The following EML4 variants were observed in gnomAD, a reference collection of about 807,000 sequenced individuals.
EML4 encodes echinoderm microtubule-associated protein-like 4.
A neutral mutation model predicts 129.0 loss-of-function variants in EML4; 72 were observed. That is an observed-to-expected ratio of 0.56 (90% CI 0.46 to 0.68). The LOEUF is 0.68. Among genes scored for constraint, EML4 ranks in the 30% least tolerant of loss-of-function variants. The pLI is 0.00. For missense variants in EML4, 1,363 were observed against 1,190.6 expected (o/e 1.14, Z -2.13); for synonymous variants, 532 against 405.0 (o/e 1.31, Z -3.77).
chr2:42,281,064 C>G lies in EML4; in HGVS notation c.791+91C>G, dbSNP rs79386328. 1.8e-3 allele frequency: 1,470 copies of G among 817,798 alleles called. 10 individuals carry two copies. In the African/African-American group the frequency reaches 0.025, roughly 14 times the overall value. The allele number at this position is 817,798 out of a possible 1,614,324, so 50.7% of individuals were successfully genotyped here. ...ATTCTCTGTCAAAATTGTCTTTATA[C>G]AAAAAAAAAAAGTAACAGCTACTTA... On this transcript the variant is annotated intron_variant, in intron 7 of 22. Transcript: ENST00000318522.
intron 1 of EML4, among the ~76,000 whole-genome samples, chr2:42,237,742 A>T (rs1299074926): frequency 6.6e-6 from 1 of 152,224 alleles, no homozygotes; most frequent in Non-Finnish European, 1.5e-5. Flanking sequence ...AGAAAATGTT[A>T]TTAAGAAAGT....
At chr2:42,201,817 C>G (rs753186968) in intron 1 of EML4, among the ~76,000 whole-genome samples, 1 of 151,732 alleles carries the variant, frequency 6.6e-6, no homozygotes, top group African/African-American at 2.4e-5. Context: ...CATGGTGGCT[C>G]AGGCCTGTAA....
Position 42,264,678 on chromosome 2 carries a change from A to G in EML4, c.642-28A>G, listed in dbSNP as rs377518538. 2.3e-6 allele frequency: 3 copies of G among 1,283,800 alleles called. No individual in the cohort carries two copies. In the African/African-American group the frequency reaches 4.5e-5, roughly 19 times the overall value. 79.5% of individuals were successfully genotyped at this position (1,283,800 alleles called of 1,614,324 possible). On this transcript the variant is annotated intron_variant, in intron 5 of 22. Transcript: ENST00000318522. ...GGTTAGCCATATAAACTTATAAAAT[A>G]AATGTGTTTCTTAAATTTCTTTTCT...
chr2:42,238,640 T>C (rs1320527036), intron 1 of EML4, among the ~76,000 whole-genome samples: 1 of 152,020 alleles, frequency 6.6e-6, no homozygotes, highest in East Asian at 1.9e-4. Flanking sequence ...TTTTTGGCAA[T>C]AGGGTCTTAC....
intron 6 of EML4, 124 bp downstream of exon 6, chr2:42,264,855 C>G (rs1665961928): frequency 6.7e-7 from 1 of 1,490,976 alleles, no homozygotes; most frequent in African/African-American, 1.4e-5. Context: ...AAGTGCGTTA[C>G]TGTAGTCATT....
intron 6 of EML4, among the ~76,000 whole-genome samples, chr2:42,265,991 G>A (rs1277221620): frequency 2.0e-5 from 3 of 152,152 alleles, no homozygotes; most frequent in South Asian, 4.1e-4. Context: ...ATGAAAGCAC[G>A]TCCTTTCTGT....
chr2:42,263,649 T>C (rs1277535602), intron 5 of EML4, among the ~76,000 whole-genome samples: 1 of 151,988 alleles, frequency 6.6e-6, no homozygotes, highest in Non-Finnish European at 1.5e-5. Flanking sequence ...ATGATCTGCC[T>C]GCCTCCGCCT....
intron 1 of EML4, among the ~76,000 whole-genome samples, chr2:42,190,052 G>A (rs964173336): frequency 6.6e-6 from 1 of 151,482 alleles, no homozygotes; most frequent in Non-Finnish European, 1.5e-5. Context: ...CTTATAATTT[G>A]ATTTTAAATT....
intron 1 of EML4, among the ~76,000 whole-genome samples, chr2:42,192,952 C>G (rs1671687106): frequency 6.6e-6 from 1 of 152,112 alleles, no homozygotes. Flanking sequence ...GCTTTGCAGA[C>G]TCTGAGGTAG....
chr2:42,298,040 T>C (rs956233127), intron 13 of EML4, among the ~76,000 whole-genome samples: 1 of 152,230 alleles, frequency 6.6e-6, no homozygotes, highest in African/African-American at 2.4e-5. Context: ...ATTGTTCTTA[T>C]GCAAAATAAT....
intron 13 of EML4, among the ~76,000 whole-genome samples, chr2:42,296,159 A>G (rs150083170): frequency 6.6e-6 from 1 of 152,314 alleles, no homozygotes; most frequent in African/African-American, 2.4e-5. Context: ...AGAATAATCA[A>G]ACTTTGAAAA....
At chr2:42,299,581 C>CT (rs1424912976) in intron 13 of EML4, among the ~76,000 whole-genome samples, 1 of 152,132 alleles carries the variant, frequency 6.6e-6, no homozygotes, top group Non-Finnish European at 1.5e-5. Context: ...CACCAATTTC[C>CT]TTTAGGTCTC....
At position 42,308,331 on chromosome 2, in the gene EML4, C is replaced by T. The variant is rs537938423; in HGVS notation, c.1967+3780C>T. On this transcript the variant is annotated intron_variant, in intron 17 of 22. Transcript: ENST00000318522. The stretch of plus-strand genomic sequence containing the variant: ...AACCAGCCTGGGCAACATGGCAAAA[C>T]CCTGTCTTTACAAGAAAAATTTTAA... Among the ~76,000 whole-genome samples the T allele has an allele frequency of 5.3e-5, 8 of 152,084 alleles. No homozygotes were observed. The South Asian group carries it at 1.7e-3, about 32-fold the overall frequency.
intron 6 of EML4, among the ~76,000 whole-genome samples, chr2:42,275,992 G>T (rs2104442389): frequency 6.6e-6 from 1 of 152,096 alleles, no homozygotes; most frequent in East Asian, 1.9e-4. Flanking sequence ...AAGTAGCATT[G>T]GGATAATACA....
intron 2 of EML4, among the ~76,000 whole-genome samples, chr2:42,251,499 G>A (rs1358565029): frequency 6.6e-6 from 1 of 152,136 alleles, no homozygotes; most frequent in Non-Finnish European, 1.5e-5. Flanking sequence ...AAGGCCTAAG[G>A]GTACATCTTC....
rs372747755 is a variant in EML4 at position 42,301,294 on chromosome 2, C to T, written c.1543C>T (p.Leu515Phe). ...IKAHDGSVFTLCQMRNGMLLT... is the reference protein window; with the variant it reads ...IKAHDGSVFTFCQMRNGMLLT... ...AGCTCATGATGGCAGTGTGTTCACA[C>T]TTTGTCAGATGAGAAATGGGATGTT... Residue 515 changes from leucine to phenylalanine, a missense_variant, in exon 14 of 23, where the codon CTT becomes TTT. Physicochemically the swap from Leu to Phe is conservative, Grantham distance 22. Coordinates refer to ENST00000318522, the MANE Select transcript of EML4 (RefSeq NM_019063.5). 18 of 1,613,086 alleles carry T rather than the reference C, an allele frequency of 1.1e-5. No homozygotes were observed. The Admixed American group carries it at 2.5e-4, about 22-fold the overall frequency.
chr2:42,185,267 AT>A (rs1359945808), intron 1 of EML4, among the ~76,000 whole-genome samples: 1 of 152,220 alleles, frequency 6.6e-6, no homozygotes, highest in African/African-American at 2.4e-5. Context: ...AAATAAAAAT[AT>A]TGTGACACGT....
chr2:42,219,896 A>G (rs985025023), intron 1 of EML4, among the ~76,000 whole-genome samples: 1 of 150,970 alleles, frequency 6.6e-6, no homozygotes, highest in African/African-American at 2.4e-5. Flanking sequence ...ACTGCAGTGC[A>G]GCCTGGGCGA....
intron 2 of EML4, among the ~76,000 whole-genome samples, chr2:42,251,084 A>G (rs755109792): frequency 6.6e-6 from 1 of 152,238 alleles, no homozygotes; most frequent in African/African-American, 2.4e-5. Flanking sequence ...GTAAATACAG[A>G]TGAAGCTTCA....
Sources: allele counts gnomAD v4.1 joint callset (sites outside exome capture counted in the v4.1 genomes callset), GRCh38; gene constraint gnomAD v4.1.1; transcripts MANE v1.5; gene names NCBI Gene and HGNC (gene_info 2026-07-23, HGNC 2026-07-21).